RBFOX2: variants seen among roughly 807,000 people sequenced by gnomAD.
RBFOX2 encodes the protein RNA binding fox-1 homolog 2, also known as RNA binding protein fox-1 homolog 2.
Under a neutral mutation model 49.1 loss-of-function variants are expected in RBFOX2, and 10 were observed. That is an observed-to-expected ratio of 0.20 (90% CI 0.13 to 0.35). The LOEUF is 0.35. Among genes scored for constraint, RBFOX2 ranks in the 10% least tolerant of loss-of-function variants. The probability of loss-of-function intolerance (pLI) is 1.00; values close to 1 mark genes in which losing one functional copy is unlikely to be tolerated. For missense variants in RBFOX2, 323 were observed against 486.9 expected, an observed-to-expected ratio of 0.66 and a Z score of 3.17; for synonymous variants, 183 against 187.4, an observed-to-expected ratio of 0.98 and a Z score of 0.19.
intron 4 of RBFOX2, among the ~76,000 whole-genome samples, chr22:35,771,408 G>A (rs1467823255): frequency 6.6e-6 from 1 of 152,122 alleles, no homozygotes; most frequent in African/African-American, 2.4e-5. Flanking sequence ...ATAGAAAAGG[G>A]GAGAAAACAG....
At chr22:35,863,440 G>A (rs537697605) in intron 1 of RBFOX2, among the ~76,000 whole-genome samples, 13 of 152,072 alleles carry the variant, frequency 8.5e-5, no homozygotes, top group African/African-American at 1.9e-4. Context: ...ATTCTCTTGC[G>A]TTCAAAATAA....
intron 1 of RBFOX2, among the ~76,000 whole-genome samples, chr22:35,975,271 C>T (rs1472109510): frequency 6.6e-6 from 1 of 152,170 alleles, no homozygotes; most frequent in Admixed American, 6.5e-5. Context: ...CTACAAATGA[C>T]ACTTTAATTA....
At chr22:35,964,899 T>C (rs938989565), upstream of RBFOX2, among the ~76,000 whole-genome samples, 5 of 152,236 alleles carry the variant, frequency 3.3e-5, no homozygotes, top group Non-Finnish European at 7.3e-5. Context: ...TATCTACTGA[T>C]GTCAAATATT....
At chr22:35,971,912 T>TAAAAAAAA (rs527896726) in intron 1 of RBFOX2, among the ~76,000 whole-genome samples, 1 of 56,618 alleles carries the variant, frequency 1.8e-5, no homozygotes, top group Non-Finnish European at 3.3e-5. Context: ...TTTTTCTCCC[T>TAAAAAAAA]AAAAAAAAAA....
intron 1 of RBFOX2, among the ~76,000 whole-genome samples, chr22:36,010,468 T>C (rs1412553285): frequency 3.9e-5 from 6 of 151,954 alleles, no homozygotes; most frequent in African/African-American, 1.5e-4. Context: ...ACGGTGAGAT[T>C]AGAACTGAGT....
chr22:35,964,913 A>G (rs1011175767), upstream of RBFOX2, among the ~76,000 whole-genome samples: 2 of 152,226 alleles, frequency 1.3e-5, no homozygotes, highest in African/African-American at 4.8e-5. Context: ...AAATATTATA[A>G]TCAGATTTTA....
At chr22:35,951,238 GC>G in intron 1 of RBFOX2, among the ~76,000 whole-genome samples, 1 of 131,162 alleles carries the variant, frequency 7.6e-6, no homozygotes, top group Non-Finnish European at 1.6e-5. Flanking sequence ...ACCGCACCCG[GC>G]CCTTTTTTTT....
chr22:35,970,884 G>T (rs2056834392), intron 1 of RBFOX2, among the ~76,000 whole-genome samples: 1 of 152,038 alleles, frequency 6.6e-6, no homozygotes, highest in African/African-American at 2.4e-5. Context: ...TGGACCCCTG[G>T]GATGGCAGAG....
chr22:35,937,521 C>T lies in RBFOX2; in HGVS notation c.-34+1326G>A, dbSNP rs532597127. On this transcript the variant is annotated intron_variant, in intron 1 of 13. Coordinates refer to the RBFOX2 transcript ENST00000359369. Reference sequence around the variant, plus strand: ...GACAAATACTCTCAAATCTGAAAGGCCTGCAAATAGGTGACTATTGATTAT... The same window carrying T: ...GACAAATACTCTCAAATCTGAAAGGTCTGCAAATAGGTGACTATTGATTAT... 1.2e-4 allele frequency among the ~76,000 whole-genome samples: 18 copies of T among 152,280 alleles called. No homozygotes were observed. In the East Asian group the frequency reaches 1.5e-3, roughly 13 times the overall value.
At chr22:35,981,178 A>AG (rs2057439409) in intron 1 of RBFOX2, among the ~76,000 whole-genome samples, 1 of 152,168 alleles carries the variant, frequency 6.6e-6, no homozygotes, top group African/African-American at 2.4e-5. Flanking sequence ...AAAGTTAGGT[A>AG]GATTGAGCAA....
At chr22:35,963,749 G>T (rs916366386), upstream of RBFOX2, among the ~76,000 whole-genome samples, 2 of 152,074 alleles carry the variant, frequency 1.3e-5, no homozygotes, top group Non-Finnish European at 2.9e-5. Flanking sequence ...TTTTGTTGTT[G>T]TTGTTGTTGT....
chr22:36,026,160 G>T (rs1344520721), intron 1 of RBFOX2, among the ~76,000 whole-genome samples: 1 of 151,962 alleles, frequency 6.6e-6, no homozygotes, highest in Non-Finnish European at 1.5e-5. Flanking sequence ...CATCTACTCA[G>T]GAAGCTGAGG....
intron 1 of RBFOX2, among the ~76,000 whole-genome samples, chr22:35,892,386 G>T (rs1393007361): frequency 6.6e-6 from 1 of 152,154 alleles, no homozygotes; most frequent in Non-Finnish European, 1.5e-5. Flanking sequence ...ACAGGAAAGC[G>T]GGGAGAAAAT....
chr22:36,010,294 C>T (rs941417587), intron 1 of RBFOX2, among the ~76,000 whole-genome samples: 1 of 152,126 alleles, frequency 6.6e-6, no homozygotes, highest in African/African-American at 2.4e-5. Flanking sequence ...AAACTTTACA[C>T]CGGGTGTGAA....
chr22:35,820,836 G>A (rs561399150), intron 1 of RBFOX2, among the ~76,000 whole-genome samples: 3 of 152,292 alleles, frequency 2.0e-5, no homozygotes, highest in African/African-American at 7.2e-5. Context: ...ATGAGGTAGG[G>A]AAGACAAGGA....
intron 1 of RBFOX2, among the ~76,000 whole-genome samples, chr22:35,862,272 A>G (rs981097854): frequency 6.6e-6 from 1 of 151,926 alleles, no homozygotes; most frequent in African/African-American, 2.4e-5. Context: ...GGTGCAGTTC[A>G]TTGTATATCA....
At chr22:35,878,776 G>A (rs1360096137) in intron 1 of RBFOX2, among the ~76,000 whole-genome samples, 2 of 151,616 alleles carry the variant, frequency 1.3e-5, no homozygotes, top group East Asian at 2.0e-4. Flanking sequence ...TGTCACCCAG[G>A]CTGGAGTGCA....
At chr22:35,777,015 ATT>A (rs757376652) in intron 4 of RBFOX2, among the ~76,000 whole-genome samples, 11 of 143,802 alleles carry the variant, frequency 7.6e-5, no homozygotes, top group Non-Finnish European at 6.1e-5. Flanking sequence ...AGGGGAAATA[ATT>A]TTTTTTTTTT....
chr22:35,993,233 T>C (rs2058054202), intron 1 of RBFOX2: 1 of 152,180 alleles, frequency 6.6e-6, no homozygotes, highest in South Asian at 2.1e-4. Context: ...ATGAATCGAA[T>C]TGTTCCAAGT....
Sources: gnomAD v4.1 joint callset for allele counts (sites outside exome capture counted in the v4.1 genomes callset) on GRCh38, gnomAD v4.1.1 for gene constraint, MANE v1.5 for transcripts, NCBI Gene and HGNC (gene_info 2026-07-23, HGNC 2026-07-21) for gene names.